NSD1: variants seen among roughly 807,000 people sequenced by gnomAD.
NSD1 encodes the protein nuclear receptor binding SET domain protein 1, also known as histone-lysine N-methyltransferase, H3 lysine-36 specific.
A neutral mutation model predicts 242.7 loss-of-function variants in NSD1; 26 were observed. The ratio of observed to expected loss-of-function variants is 0.11; its 90% CI spans 0.08 to 0.15. The LOEUF is 0.15. NSD1 is among the 10% of genes least tolerant of loss of function. NSD1 has a pLI of 1.00. For missense variants in NSD1, 2,495 were observed against 3,272.8 expected, an observed-to-expected ratio of 0.76 and a Z score of 5.80; for synonymous variants, 1,106 against 1,178.1, an observed-to-expected ratio of 0.94 and a Z score of 1.25.
rs76020197 is a variant in NSD1 at position 177,300,070 on chromosome 5, C to T, written c.*4611C>T. On this transcript the variant is annotated 3_prime_UTR_variant, in exon 23 of 23. Transcript: ENST00000439151. ...CTTTTTTGCCGCGCCCCCCCCCCCC[C>T]GCCCCCATAGATTGTCAGCTGTAAG... 4.4e-5 allele frequency: 8 copies of T among 183,864 alleles called. No homozygotes were observed. The highest frequency in any genetic ancestry group is 1.6e-4 in the East Asian group (2 of 12,370). The allele number at this position is 183,864 out of a possible 1,614,324, so 11.4% of individuals were successfully genotyped here.
In NSD1 at chr5:177,251,804, A is replaced by G; in HGVS notation, c.4716A>G (p.Gly1572=). ...GGGCTTTCCACCTGGAGTGCCTTGG[A>G]TTGACTGAGATGCCAAGAGGAAAAT... ...CCGAFHLECL[G]LTEMPRGKFI... The change falls in exon 12 of 23, where the codon GGA becomes GGG. Residue 1572 remains glycine, a synonymous_variant. Transcript: ENST00000439151. 4 of 1,614,180 alleles carry G rather than the reference A, an allele frequency of 2.5e-6. No homozygotes were observed. Among genetic ancestry groups the G allele is most frequent in the Non-Finnish European group, 3.4e-6 (4 of 1,180,024 alleles).
intron 3 of NSD1, among the ~76,000 whole-genome samples, chr5:177,193,031 G>A (rs1008173532): frequency 6.6e-6 from 1 of 152,058 alleles, no homozygotes; most frequent in Non-Finnish European, 1.5e-5. Context: ...TTAATTTGGA[G>A]TATTTCCTTT....
At chr5:177,289,690 C>A (rs1418975763) in intron 21 of NSD1, among the ~76,000 whole-genome samples, 1 of 152,072 alleles carries the variant, frequency 6.6e-6, no homozygotes, top group Admixed American at 6.5e-5. Context: ...CTTAATCTCA[C>A]CATTATAAAA....
chr5:177,170,374 G>A (rs566931546), intron 2 of NSD1, among the ~76,000 whole-genome samples: 12 of 149,928 alleles, frequency 8.0e-5, no homozygotes, highest in Admixed American at 2.0e-4. Flanking sequence ...TTTTAGAGAC[G>A]GAGTCTCGCT....
rs191413294 is a variant in NSD1 at position 177,228,155 on chromosome 5, G to C, written c.3797-7666G>C. Among the ~76,000 whole-genome samples the C allele has an allele frequency of 2.6e-5, 4 of 152,144 alleles. No individual in the cohort carries two copies. The East Asian group carries it at 7.7e-4, about 29-fold the overall frequency. The stretch of plus-strand genomic sequence containing the variant: ...GTAGTCAACTGAGGTCCAAAAATAG[G>C]TGAGTATAGTGCAATGCAGTTATTT... On this transcript the variant is annotated intron_variant, in intron 5 of 22. Coordinates refer to ENST00000439151, the MANE Select transcript of NSD1 (RefSeq NM_022455.5).
At chr5:177,194,722 G>A (rs1401368986) in intron 3 of NSD1, among the ~76,000 whole-genome samples, 1 of 81,450 alleles carries the variant, frequency 1.2e-5, no homozygotes, top group Non-Finnish European at 2.1e-5. Context: ...TTTTTTTTGA[G>A]GCAGAGCCTT....
At chr5:177,183,364 C>T (rs1349589883) in intron 2 of NSD1, among the ~76,000 whole-genome samples, 1 of 152,132 alleles carries the variant, frequency 6.6e-6, no homozygotes, top group Non-Finnish European at 1.5e-5. Flanking sequence ...TGAAACCGAA[C>T]CTGTAGTATC....
chr5:177,207,255 C>T (rs899624845), intron 4 of NSD1, among the ~76,000 whole-genome samples: 15 of 147,646 alleles, frequency 1.0e-4, no homozygotes, highest in South Asian at 6.6e-4. Context: ...GCCTCGTTAC[C>T]GTAATTATTT....
In NSD1 at chr5:177,295,104, A is replaced by G. The variant is rs779930103; in HGVS notation, c.7736A>G (p.Gln2579Arg). Residue 2579 changes from glutamine (Q) to arginine (R), a missense_variant, in exon 23 of 23, where the codon CAG (glutamine) becomes CGG (arginine). Physicochemically the swap from Gln to Arg is conservative, Grantham distance 43. This residue lies in a region of NSD1 where 475 missense variants were observed against 563.7 expected (regional missense o/e 0.84). Transcript: ENST00000439151. This position sits in a 1 kb window ranked among gnomAD's most constrained non-coding sequence, Gnocchi z 4.3. ...AGCCAATCCCCGGGCCTGGTGAAGC[A>G]GGCGAAGCAGATGGTCGGAGGCCAG... ...PLSQSPGLVK[Q>R]AKQMVGGQQL... is the part of the protein sequence containing the mutation. The G allele has an allele frequency of 1.1e-4, 173 of 1,611,956 alleles. No individual in the cohort carries two copies. The highest frequency in any genetic ancestry group is 7.6e-6 in the Non-Finnish European group (9 of 1,178,678).
intron 8 of NSD1, among the ~76,000 whole-genome samples, chr5:177,243,492 C>A (rs988885622): frequency 6.6e-6 from 1 of 152,176 alleles, no homozygotes; most frequent in African/African-American, 2.4e-5. Context: ...GCCACTGCAC[C>A]CAGCCATGAA....
intron 17 of NSD1, among the ~76,000 whole-genome samples, chr5:177,279,378 G>C (rs1758656096): frequency 6.6e-6 from 1 of 152,038 alleles, no homozygotes; most frequent in South Asian, 2.1e-4. Flanking sequence ...TGTGCCTATA[G>C]TCCCAGCTAC....
rs150799603 is a variant in NSD1 at position 177,232,059 on chromosome 5, G to C, written c.3797-3762G>C. 6.6e-3 allele frequency among the ~76,000 whole-genome samples: 1,009 copies of C among 152,124 alleles called. 6 individuals are homozygous for C. Among genetic ancestry groups the C allele is most frequent in the African/African-American group, 0.018 (747 of 41,522 alleles). On this transcript the variant is annotated intron_variant, in intron 5 of 22. Coordinates refer to ENST00000439151, the MANE Select transcript of NSD1 (RefSeq NM_022455.5). ...GGACCGCAGGTGTGTGCCACCACAG[G>C]CAGCTATATTTTTATGTTTAGTAGA...
In NSD1 at chr5:177,288,932, C is replaced by A; in HGVS notation, c.6258+7C>A. On this transcript the variant is annotated splice_region_variant and intron_variant, in intron 21 of 22. Coordinates refer to ENST00000439151, the MANE Select transcript of NSD1 (RefSeq NM_022455.5). ...CTTGGGTGTAAGGCCAAAGGTACCA[C>A]CCTTCTAGACTTCTGCTTTGGGATT... The A allele has an allele frequency of 6.3e-7, 1 of 1,599,710 alleles. No homozygotes were observed. The highest frequency in any genetic ancestry group is 8.6e-7 in the Non-Finnish European group (1 of 1,166,906).
chr5:177,268,969 T>C (rs57166040), intron 15 of NSD1, among the ~76,000 whole-genome samples: 1,748 of 152,296 alleles, frequency 0.011, 38 homozygotes, highest in African/African-American at 0.04. Flanking sequence ...TATATACTTA[T>C]ATACAAGTAT....
intron 17 of NSD1, among the ~76,000 whole-genome samples, chr5:177,279,282 A>G (rs1758646663): frequency 1.3e-5 from 2 of 152,114 alleles, no homozygotes; most frequent in African/African-American, 2.4e-5. Context: ...AGGAGATCAC[A>G]AGGTCAGGAG....
Position 177,269,069 on chromosome 5 carries a change from C to G in NSD1, c.5304-533C>G, listed in dbSNP as rs1757747594. 6.6e-6 allele frequency among the ~76,000 whole-genome samples: 1 copy of G among 152,062 alleles called. No individual in the cohort carries two copies. The highest frequency in any genetic ancestry group is 2.4e-5 in the African/African-American group (1 of 41,372). On this transcript the variant is annotated intron_variant, in intron 15 of 22. Transcript: ENST00000439151. The surrounding 1 kb of genome is among the most constrained non-coding windows in gnomAD (Gnocchi z 5.1). The stretch of plus-strand genomic sequence containing the variant: ...GGTTTCCAGCTTTAATAGGTAGTGC[C>G]AAATTGTCTCCCTAAAGTGGCTGTA...
At chr5:177,192,517 C>T (rs1359631197) in intron 3 of NSD1, among the ~76,000 whole-genome samples, 2 of 152,124 alleles carry the variant, frequency 1.3e-5, no homozygotes, top group Non-Finnish European at 2.9e-5. Flanking sequence ...CTGGCTCAGC[C>T]TCCTCAGTAG....
chr5:177,238,366 T>A lies in NSD1; in HGVS notation c.4051T>A (p.Phe1351Ile). The change falls in exon 7 of 23, where the codon TTT becomes ATT. Residue 1351 changes from phenylalanine (F) to isoleucine (I), a missense_variant. Phe to Ile is a conservative substitution (Grantham distance 21). Around this residue, in one of 19 missense-constraint regions of NSD1, gnomAD observed 100 missense variants for 190.7 expected, o/e 0.52. Transcript: ENST00000439151. The surrounding 1 kb of genome is among the most constrained non-coding windows in gnomAD (Gnocchi z 4.6). ...EPPVLEREAPFLEGPLAQSEL... is the reference protein window; with the variant it reads ...EPPVLEREAPILEGPLAQSEL... ...TCCAGTTCTTGAAAGGGAGGCTCCG[T>A]TTTTGGAGGGCCCCTTGGCTCAGTC... 1 of 1,613,910 alleles carries A rather than the reference T, an allele frequency of 6.2e-7. No homozygotes were observed. Among genetic ancestry groups the A allele is most frequent in the Non-Finnish European group, 8.5e-7 (1 of 1,179,882 alleles).
At chr5:177,265,889 G>T in intron 14 of NSD1, 1 of 1,473,598 alleles carries the variant, frequency 6.8e-7, no homozygotes, top group Admixed American at 1.7e-5. Flanking sequence ...GAACGGGGAG[G>T]TGAAGGTCAG....
Sources: gnomAD v4.1 joint callset for allele counts (sites outside exome capture counted in the v4.1 genomes callset) on GRCh38, gnomAD v4.1.1 for gene constraint, gnomAD v4.1.1 regional missense constraint, Gnocchi (gnomAD v3.1) non-coding constraint, MANE v1.5 for transcripts, NCBI Gene and HGNC (gene_info 2026-07-23, HGNC 2026-07-21) for gene names.